Variants in CSMD1 observed in about 807,000 individuals in gnomAD.
CSMD1 encodes the protein CUB and sushi domain-containing protein 1.
Under a neutral mutation model 417.5 loss-of-function variants are expected in CSMD1, and 213 were observed. The observed-to-expected ratio is 0.51, with a 90% CI of 0.46 to 0.57. The LOEUF is 0.57. CSMD1 is among the 20% of genes least tolerant of loss of function. CSMD1 has a pLI of 0.00. For synonymous variants in CSMD1, 2,862 were observed against 1,736.8 expected (o/e 1.65, Z -16.11); for missense variants, 6,923 against 4,529.7 (o/e 1.53, Z -15.17).
intron 7 of CSMD1, among the ~76,000 whole-genome samples, chr8:3,663,209 A>G (rs1798508102): frequency 6.6e-6 from 1 of 152,132 alleles, no homozygotes; most frequent in Admixed American, 6.5e-5. Flanking sequence ...GTGAACAACA[A>G]AGATATTTTT....
At chr8:4,027,584 G>A (rs1460204080) in intron 4 of CSMD1, among the ~76,000 whole-genome samples, 3 of 152,012 alleles carry the variant, frequency 2.0e-5, no homozygotes, top group Non-Finnish European at 2.9e-5. Context: ...GGTTCCTGAG[G>A]CCTCCGCAGC....
rs78994389 is a variant in CSMD1, at chr8:3,282,469, T to C, written c.4153+1675A>G. Among the ~76,000 whole-genome samples, 51 of 152,348 alleles carry C rather than the reference T, an allele frequency of 3.3e-4. 2 individuals are homozygous for C. The East Asian group carries it at 9.6e-3, about 29-fold the overall frequency. ...AACTTTCTCAACTTTTTTGTTTTGC[T>C]AAATAAGGCCAATGAATCACAATTC... On this transcript the variant is annotated intron_variant, in intron 26 of 69. Transcript: ENST00000635120.
chr8:3,925,501 G>C (rs895500715), intron 5 of CSMD1, among the ~76,000 whole-genome samples: 2 of 152,098 alleles, frequency 1.3e-5, no homozygotes, highest in East Asian at 3.8e-4. Flanking sequence ...ACACTGATGC[G>C]GTTTGGCTGG....
At chr8:3,889,661 T>C (rs1349841890) in intron 5 of CSMD1, among the ~76,000 whole-genome samples, 1 of 151,262 alleles carries the variant, frequency 6.6e-6, no homozygotes, top group Non-Finnish European at 1.5e-5. Context: ...GTTGGTCCTA[T>C]CTACTGTCTA....
intron 5 of CSMD1, among the ~76,000 whole-genome samples, chr8:3,857,954 T>C (rs1195492626): frequency 6.6e-6 from 1 of 152,242 alleles, no homozygotes; most frequent in Non-Finnish European, 1.5e-5. Context: ...CTACACTGCA[T>C]GGTGACTTCT....
intron 2 of CSMD1, among the ~76,000 whole-genome samples, chr8:4,634,709 G>C (rs1335865213): frequency 6.6e-6 from 1 of 152,172 alleles, no homozygotes; most frequent in Non-Finnish European, 1.5e-5. Flanking sequence ...AATAGCATTA[G>C]AGTGCTCCCT....
At chr8:3,991,883 G>T (rs1002632840) in intron 5 of CSMD1, among the ~76,000 whole-genome samples, 1 of 152,092 alleles carries the variant, frequency 6.6e-6, no homozygotes, top group African/African-American at 2.4e-5. Context: ...TCTATAAAAT[G>T]GGAATAGTAG....
chr8:4,084,058 A>T (rs543628595), intron 3 of CSMD1, among the ~76,000 whole-genome samples: 1 of 152,334 alleles, frequency 6.6e-6, no homozygotes, highest in Admixed American at 6.5e-5. Flanking sequence ...TTAGTAGATC[A>T]AATGCATCAA....
chr8:4,122,349 G>C (rs535723718), intron 3 of CSMD1, among the ~76,000 whole-genome samples: 1 of 152,132 alleles, frequency 6.6e-6, no homozygotes, highest in African/African-American at 2.4e-5. Flanking sequence ...AGAAGAAATA[G>C]GATTTACTAT....
intron 41 of CSMD1, among the ~76,000 whole-genome samples, chr8:3,122,195 CTAGT>C (rs1817250720): frequency 6.6e-6 from 1 of 152,150 alleles, no homozygotes; most frequent in Admixed American, 6.5e-5. Flanking sequence ...AGATAAATTA[CTAGT>C]TATAGAATGA....
intron 41 of CSMD1, chr8:3,128,774 C>T (rs1228477662): frequency 2.4e-6 from 1 of 419,532 alleles, no homozygotes; most frequent in South Asian, 1.7e-5. Flanking sequence ...TAATGGCGTA[C>T]AATAAAAAAC....
At chr8:3,083,834 A>G (rs1814323891) in intron 49 of CSMD1, among the ~76,000 whole-genome samples, 1 of 150,618 alleles carries the variant, frequency 6.6e-6, no homozygotes, top group African/African-American at 2.4e-5. Flanking sequence ...TAATGTTTGT[A>G]TTTCCTGTAG....
chr8:3,777,263 G>A (rs1314585721), intron 5 of CSMD1, among the ~76,000 whole-genome samples: 6 of 151,900 alleles, frequency 3.9e-5, no homozygotes, highest in African/African-American at 1.5e-4. Flanking sequence ...TTGTCTGCTT[G>A]ATTTCTGCTT....
chr8:3,265,259 C>T (rs945873880), intron 26 of CSMD1, among the ~76,000 whole-genome samples: 2 of 152,152 alleles, frequency 1.3e-5, no homozygotes, highest in East Asian at 1.9e-4. Flanking sequence ...AGACAAAATG[C>T]TACTAAGTGT....
At chr8:4,284,962 C>T (rs7465076) in intron 3 of CSMD1, among the ~76,000 whole-genome samples, 1 of 152,316 alleles carries the variant, frequency 6.6e-6, no homozygotes, top group South Asian at 2.1e-4. Context: ...AAAGTAACCT[C>T]ACCTCACCTC....
rs1801394626 is a variant in CSMD1 at position 2,935,539 on chromosome 8, G to C, written c.*3046C>G. ...TGGAACTGAAAATCAGCTAGAGATG[G>C]TACATTTTACATTATTGGGAAAATT... is the stretch of plus-strand genomic sequence containing the variant. On this transcript the variant is annotated 3_prime_UTR_variant, in exon 70 of 70. Coordinates refer to ENST00000635120, the MANE Select transcript of CSMD1 (RefSeq NM_033225.6). 1 of 152,020 alleles carries C rather than the reference G, an allele frequency of 6.6e-6. No homozygotes were observed. The highest frequency in any genetic ancestry group is 2.4e-5 in the African/African-American group (1 of 41,364). 9.4% of individuals were successfully genotyped at this position (152,020 alleles called of 1,614,324 possible).
At chr8:3,716,150 C>T (rs1219127554) in intron 6 of CSMD1, among the ~76,000 whole-genome samples, 1 of 152,202 alleles carries the variant, frequency 6.6e-6, no homozygotes, top group Non-Finnish European at 1.5e-5. Context: ...CCTTCTAATT[C>T]ACTGGCCGCT....
At chr8:3,157,867 G>A (rs1270786900) in intron 39 of CSMD1, 30 bp downstream of exon 39, 3 of 1,525,410 alleles carry the variant, frequency 2.0e-6, no homozygotes, top group East Asian at 4.9e-5. Context: ...TGTGTGCGCA[G>A]CAGCAGAGTT....
rs141132428 is a variant in CSMD1, at chr8:3,945,927, A to C, written c.818+51976T>G. Among the ~76,000 whole-genome samples the C allele has an allele frequency of 4.0e-3, 604 of 152,228 alleles. 8 individuals are homozygous for C. Among genetic ancestry groups the C allele is most frequent in the Middle Eastern group, 0.02 (6 of 294 alleles). On this transcript the variant is annotated intron_variant, in intron 5 of 69. Coordinates refer to ENST00000635120, the MANE Select transcript of CSMD1 (RefSeq NM_033225.6). ...CACTCAAGACGTGGCTCCAACTAAGACTATCATGATTATTATTACTAATAA... is the reference window on the plus strand; with the variant it reads ...CACTCAAGACGTGGCTCCAACTAAGCCTATCATGATTATTATTACTAATAA...
Sources: allele counts gnomAD v4.1 joint callset (sites outside exome capture counted in the v4.1 genomes callset), GRCh38; gene constraint gnomAD v4.1.1; transcripts MANE v1.5; gene names NCBI Gene and HGNC (gene_info 2026-07-23, HGNC 2026-07-21).